The following SLC7A11 variants were observed in gnomAD, a reference collection of about 807,000 sequenced individuals.
The protein encoded by SLC7A11 is solute carrier family 7 member 11.
In SLC7A11, 35 loss-of-function variants were observed where a neutral mutation model predicts 54.5. That is an observed-to-expected ratio of 0.64 (90% CI 0.49 to 0.85). SLC7A11 has a LOEUF of 0.85. Among genes scored for constraint, SLC7A11 ranks in the 40% least tolerant of loss-of-function variants. The pLI is 0.00. For synonymous variants in SLC7A11, 230 were observed against 225.2 expected, an observed-to-expected ratio of 1.02 and a Z score of -0.19; for missense variants, 583 against 618.1, an observed-to-expected ratio of 0.94 and a Z score of 0.60.
intron 5 of SLC7A11, 86 bp from the exon 6 acceptor site, chr4:138,214,715 C>T (rs529461953): frequency 2.3e-6 from 1 of 436,760 alleles, no homozygotes; most frequent in East Asian, 4.5e-5. Flanking sequence ...ACATTGAACC[C>T]AGAATTATGA....
rs1197638185 is a variant in SLC7A11 at position 138,185,261 on chromosome 4, A to T, written c.792-17T>A. 10 of 1,611,166 alleles carry T rather than the reference A, an allele frequency of 6.2e-6. No homozygotes were observed. The highest frequency in any genetic ancestry group is 7.6e-6 in the Non-Finnish European group (9 of 1,177,842). ...GGAATGGTTCTGAAATGCACAAAGG[A>T]ATCACTTATTCATTATCTTTTGTTA... On this transcript the variant is annotated splice_polypyrimidine_tract_variant and intron_variant, in intron 6 of 11. Transcript: ENST00000280612.
At chr4:138,237,755 T>A (rs1241052776) in intron 1 of SLC7A11, among the ~76,000 whole-genome samples, 238 of 50,468 alleles carry the variant, frequency 4.7e-3, no homozygotes, top group Non-Finnish European at 7.8e-3. Flanking sequence ...TTTTTTTTTT[T>A]TTTTTTTTTT....
chr4:138,209,524 A>T (rs1021348808), intron 6 of SLC7A11, among the ~76,000 whole-genome samples: 3 of 151,908 alleles, frequency 2.0e-5, no homozygotes, highest in East Asian at 1.9e-4. Context: ...TGTGTTTAAA[A>T]CAACTTCAGT....
At chr4:138,196,193 T>C (rs1299662314) in intron 6 of SLC7A11, among the ~76,000 whole-genome samples, 1 of 152,112 alleles carries the variant, frequency 6.6e-6, no homozygotes, top group Non-Finnish European at 1.5e-5. Context: ...GCAGGAAATC[T>C]CCTGAAGTTC....
At chr4:138,202,619 G>A (rs1038500152) in intron 6 of SLC7A11, among the ~76,000 whole-genome samples, 10 of 151,952 alleles carry the variant, frequency 6.6e-5, no homozygotes, top group African/African-American at 2.2e-4. Context: ...CCATAGTCAT[G>A]TACTCTCCTT....
In SLC7A11 at chr4:138,196,684, A is replaced by G. The variant is rs551548890; in HGVS notation, c.792-11440T>C. Among the ~76,000 whole-genome samples the G allele has an allele frequency of 6.3e-5, 8 of 127,430 alleles. No homozygotes were observed. In the South Asian group the frequency reaches 1.8e-3, roughly 28 times the overall value. The allele number at this position is 127,430 out of a possible 152,430, so 83.6% of individuals were successfully genotyped here. A position where few individuals can be genotyped will look rare whatever the true frequency, so the allele number is the denominator to read the frequency against. ...TATTTTATTATTATTTTTTAGACAG[A>G]GCCTCACTCTTGTCACCCGGGCGGG... On this transcript the variant is annotated intron_variant, in intron 6 of 11. Transcript: ENST00000280612.
At chr4:138,241,280 G>C (rs1738370672) in intron 1 of SLC7A11, among the ~76,000 whole-genome samples, 1 of 152,180 alleles carries the variant, frequency 6.6e-6, no homozygotes, top group South Asian at 2.1e-4. Flanking sequence ...AGGATATTAA[G>C]AGGTGACAAG....
intron 1 of SLC7A11, among the ~76,000 whole-genome samples, chr4:138,237,717 ATATATATATATATATATATATTTTT>A (rs1221467166): frequency 0.021 from 130 of 6,312 alleles, 7 homozygotes; most frequent in African/African-American, 0.058. Context: ...ATATATATAT[ATATATATATATATATATATATTTTT>A]TTTTTTTTTT....
At chr4:138,225,230 C>A (rs1737920555) in intron 3 of SLC7A11, among the ~76,000 whole-genome samples, 1 of 145,804 alleles carries the variant, frequency 6.9e-6, no homozygotes, top group African/African-American at 2.5e-5. Flanking sequence ...GTATATACCT[C>A]AATAAAGATG....
intron 6 of SLC7A11, among the ~76,000 whole-genome samples, chr4:138,189,538 G>T (rs1189639101): frequency 1.3e-5 from 2 of 151,946 alleles, no homozygotes; most frequent in South Asian, 2.1e-4. Context: ...TTTAACTCTA[G>T]GTACAAGGCC....
At chr4:138,226,854 A>T (rs1737960037) in intron 3 of SLC7A11, among the ~76,000 whole-genome samples, 1 of 152,228 alleles carries the variant, frequency 6.6e-6, no homozygotes, top group Admixed American at 6.5e-5. Flanking sequence ...TGAGGAAATA[A>T]TTATATCAGT....
At chr4:138,232,075 A>T (rs1388548077) in intron 3 of SLC7A11, among the ~76,000 whole-genome samples, 192 bp downstream of exon 3, 3 of 152,208 alleles carry the variant, frequency 2.0e-5, no homozygotes, top group African/African-American at 7.2e-5. Flanking sequence ...ATATCTATTG[A>T]CCAAATACAA....
At chr4:138,184,988 A>T in intron 7 of SLC7A11, 133 bp downstream of exon 7, 5 of 944,820 alleles carry the variant, frequency 5.3e-6, no homozygotes, top group Non-Finnish European at 8.3e-6. Context: ...TAAATTTTTT[A>T]AATATTCACT....
chr4:138,240,324 T>C (rs1413628552), intron 1 of SLC7A11, among the ~76,000 whole-genome samples: 1 of 152,048 alleles, frequency 6.6e-6, no homozygotes, highest in Non-Finnish European at 1.5e-5. Context: ...CCCAGCACTT[T>C]GGGAGACTGA....
At chr4:138,215,992 G>A (rs1444747693) in intron 5 of SLC7A11, among the ~76,000 whole-genome samples, 2 of 152,204 alleles carry the variant, frequency 1.3e-5, no homozygotes, top group Non-Finnish European at 2.9e-5. Context: ...GAAAGGGCTT[G>A]GAGCAGGATG....
intron 6 of SLC7A11, among the ~76,000 whole-genome samples, chr4:138,198,762 C>T (rs1737201127): frequency 6.6e-6 from 1 of 151,934 alleles, no homozygotes; most frequent in Non-Finnish European, 1.5e-5. Context: ...ATTTTTGCAC[C>T]AACCTAATAC....
chr4:138,240,402 T>C (rs1157928964), intron 1 of SLC7A11, among the ~76,000 whole-genome samples: 3 of 151,674 alleles, frequency 2.0e-5, no homozygotes, highest in Admixed American at 6.6e-5. Flanking sequence ...CCATCTCTAC[T>C]AAAAAATACG....
chr4:138,183,226 T>C lies in SLC7A11; in HGVS notation c.995A>G (p.Asn332Ser). The C allele has an allele frequency of 1.9e-6, 3 of 1,611,774 alleles. No individual in the cohort carries two copies. Among genetic ancestry groups the C allele is most frequent in the Non-Finnish European group, 2.5e-6 (3 of 1,178,632 alleles). Residue 332 changes from asparagine to serine, a missense_variant, in exon 8 of 12, where the codon AAC (asparagine) becomes AGC (serine). By Grantham distance (46) the Asn-to-Ser change is conservative. Transcript: ENST00000280612. Reference protein sequence around the residue: ...FVALSCFGSMNGGVFAVSRLF... With the variant: ...FVALSCFGSMSGGVFAVSRLF... ...CCTGGAGACAGCAAACACACCACCG[T>C]TCATGGAGCCAAAGCAGGAGAGGGC...
At position 138,213,256 on chromosome 4, in the gene SLC7A11, A is replaced by C. The variant is rs533839752; in HGVS notation, c.791+1329T>G. On this transcript the variant is annotated intron_variant, in intron 6 of 11. Transcript: ENST00000280612. Reference sequence around the variant, plus strand: ...ATATTTCTTAATAAAATGGCCTTTCACATGTTTAAATTACATATTGATTTG... The same window carrying C: ...ATATTTCTTAATAAAATGGCCTTTCCCATGTTTAAATTACATATTGATTTG... Among the ~76,000 whole-genome samples the C allele has an allele frequency of 2.8e-4, 42 of 152,136 alleles. 1 individual carries two copies. The South Asian group carries it at 8.1e-3, about 29-fold the overall frequency.
Sources: allele counts gnomAD v4.1 joint callset (sites outside exome capture counted in the v4.1 genomes callset), GRCh38; gene constraint gnomAD v4.1.1; transcripts MANE v1.5; gene names NCBI Gene and HGNC (gene_info 2026-07-23, HGNC 2026-07-21).